The following CACNB1 variants were observed in gnomAD, a reference collection of about 807,000 sequenced individuals.
CACNB1 encodes voltage-dependent L-type calcium channel subunit beta-1.
CACNB1 carries 29 observed loss-of-function variants against 71.6 expected under a neutral mutation model. That is an observed-to-expected ratio of 0.40 (90% CI 0.30 to 0.55). The LOEUF is 0.55. Among genes scored for constraint, CACNB1 ranks in the 20% least tolerant of loss-of-function variants. The pLI, the probability that CACNB1 is intolerant of heterozygous loss-of-function variation, is 0.38. For synonymous variants in CACNB1, 300 were observed against 319.6 expected, an observed-to-expected ratio of 0.94 and a Z score of 0.65; for missense variants, 623 against 801.8, an observed-to-expected ratio of 0.78 and a Z score of 2.69.
chr17:39,180,670 A>C (rs2144103118), intron 11 of CACNB1, among the ~76,000 whole-genome samples: 1 of 150,852 alleles, frequency 6.6e-6, no homozygotes, highest in East Asian at 2.0e-4. Flanking sequence ...AAAAAAAAAA[A>C]GAGAGAAAGA....
intron 6 of CACNB1, 76 bp from the exon 7 acceptor site, chr17:39,185,226 G>T: frequency 8.7e-7 from 1 of 1,147,514 alleles, no homozygotes; most frequent in Non-Finnish European, 1.3e-6. Context: ...AGAGGGCAAG[G>T]CAGGAGCCAG....
In CACNB1 at chr17:39,175,180, T is replaced by A. The variant is rs746952591; in HGVS notation, c.*13A>T. ...GCTCAGAGCCCTTCCTCCCGCCGTG[T>A]GGCCCCTGCCTCTCAGCGAATGTAG... On this transcript the variant is annotated 3_prime_UTR_variant, in exon 14 of 14. Transcript: ENST00000394303. The surrounding 1 kb of genome is among the most constrained non-coding windows in gnomAD (Gnocchi z 4.7). 7 of 1,593,498 alleles carry A rather than the reference T, an allele frequency of 4.4e-6. No individual in the cohort carries two copies. The highest frequency in any genetic ancestry group is 4.3e-6 in the Non-Finnish European group (5 of 1,166,416).
chr17:39,189,300 T>G (rs1443309378), intron 3 of CACNB1, among the ~76,000 whole-genome samples: 4 of 151,002 alleles, frequency 2.6e-5, no homozygotes, highest in African/African-American at 9.7e-5. Flanking sequence ...GAGGCAGAGG[T>G]TGCAGCAAGC....
chr17:39,186,186 G>C lies in CACNB1; in HGVS notation c.628+310C>G. 8.4e-7 allele frequency: 1 copy of C among 1,194,112 alleles called. No homozygotes were observed. 74.0% of individuals were successfully genotyped at this position (1,194,112 alleles called of 1,614,324 possible). A position where few individuals can be genotyped will look rare whatever the true frequency, so the allele number is the denominator to read the frequency against. On this transcript the variant is annotated intron_variant, in intron 6 of 13. Transcript: ENST00000394303. The surrounding 1 kb of genome is among the most constrained non-coding windows in gnomAD (Gnocchi z 4.1). ...AGATGAACGTGGAGACACAAGTACAGAACGCAGGGATGGGGATGGGGAAAA... is the reference window on the plus strand; with the variant it reads ...AGATGAACGTGGAGACACAAGTACACAACGCAGGGATGGGGATGGGGAAAA...
In CACNB1 at chr17:39,175,931, A is replaced by G. The variant is rs866517359; in HGVS notation, c.1333-274T>C. ...AGGGCAACTATGGCCAACAGCCGTG[A>G]GCCATGAGTCACCGCTTCCTCAGTG... On this transcript the variant is annotated intron_variant, in intron 13 of 13. Coordinates refer to ENST00000394303, the MANE Select transcript of CACNB1 (RefSeq NM_000723.5). This position sits in a 1 kb window ranked among gnomAD's most constrained non-coding sequence, Gnocchi z 4.7. Among the ~76,000 whole-genome samples the G allele has an allele frequency of 7.9e-5, 12 of 152,204 alleles. No individual in the cohort carries two copies. The highest frequency in any genetic ancestry group is 2.9e-4 in the African/African-American group (12 of 41,444).
In CACNB1 at chr17:39,197,488, T is replaced by C. The variant is rs1216042431; in HGVS notation, c.8A>G (p.Gln3Arg). Reference protein sequence around the residue: MVQKTSMSRGPYP... With the variant: MVRKTSMSRGPYP... ...AGGGCCCCGGGACATGCTGGTCTTC[T>C]GGACCATGGAGAGGAGCCTCCCCTC... Residue 3 changes from glutamine (Q) to arginine (R), a missense_variant, in exon 1 of 14, where the codon CAG becomes CGG. Physicochemically the swap from Gln to Arg is conservative, Grantham distance 43 (BLOSUM62 1). Transcript: ENST00000394303. The C allele has an allele frequency of 2.0e-6, 3 of 1,496,466 alleles. No individual in the cohort carries two copies. 92.7% of individuals were successfully genotyped at this position (1,496,466 alleles called of 1,614,324 possible).
chr17:39,191,005 C>T (rs1242172469), intron 3 of CACNB1, among the ~76,000 whole-genome samples: 1 of 151,700 alleles, frequency 6.6e-6, no homozygotes, highest in Admixed American at 6.6e-5. Flanking sequence ...GAGATCGAGA[C>T]CATCCTGGCT....
chr17:39,180,290 A>G (rs1280008331), intron 11 of CACNB1, among the ~76,000 whole-genome samples: 1 of 151,558 alleles, frequency 6.6e-6, no homozygotes, highest in African/African-American at 2.4e-5. Context: ...AATATGGACT[A>G]TATTTTAGAA....
At chr17:39,179,946 T>C (rs1319398575) in intron 11 of CACNB1, among the ~76,000 whole-genome samples, 1 of 150,664 alleles carries the variant, frequency 6.6e-6, no homozygotes, top group African/African-American at 2.4e-5. Context: ...GGTTGGTTCC[T>C]GGATTGGGGG....
intron 1 of CACNB1, 65 bp from the exon 2 acceptor site, chr17:39,195,035 C>A: frequency 1.8e-6 from 2 of 1,124,568 alleles, no homozygotes; most frequent in African/African-American, 1.5e-5. Context: ...CTCATCTTGC[C>A]AGCCCCAGAG....
chr17:39,195,308 G>C (rs1215649127), intron 1 of CACNB1: 4 of 226,820 alleles, frequency 1.8e-5, no homozygotes, highest in Non-Finnish European at 3.5e-5. Context: ...AAGATGCTGG[G>C]CAGGCTGCAG....
At chr17:39,182,285 C>G (rs1316082381) in intron 11 of CACNB1, among the ~76,000 whole-genome samples, 1 of 151,650 alleles carries the variant, frequency 6.6e-6, no homozygotes, top group Non-Finnish European at 1.5e-5. Context: ...TGAGATCGCA[C>G]CACTGCACTC....
chr17:39,177,208 G>A (rs368348119), intron 13 of CACNB1, 142 bp downstream of exon 13: 35 of 1,525,512 alleles, frequency 2.3e-5, no homozygotes, highest in East Asian at 1.6e-4. Flanking sequence ...CTCCAGTTCC[G>A]ACCCCAGAGC....
In CACNB1 at chr17:39,174,032, AG is replaced by A; in HGVS notation, c.*1160del. 1 of 152,754 alleles carries A rather than the reference AG, an allele frequency of 6.5e-6. No individual in the cohort carries two copies. Among genetic ancestry groups the A allele is most frequent in the Non-Finnish European group, 1.5e-5 (1 of 68,108 alleles). The allele number at this position is 152,754 out of a possible 1,614,324, so 9.5% of individuals were successfully genotyped here. ...TGAGGTGCCCATCCCTGAGGCGGGC[AG>A]CCGGGCAGGCCCCAGTCCTTGTTGG... On this transcript the variant is annotated 3_prime_UTR_variant, in exon 14 of 14. Transcript: ENST00000394303.
chr17:39,180,262 CA>C (rs113605525), intron 11 of CACNB1, among the ~76,000 whole-genome samples: 7,107 of 116,548 alleles, frequency 0.061, 509 homozygotes, highest in African/African-American at 0.2. Flanking sequence ...GACCCTAGCT[CA>C]AAAAAAAAAA....
chr17:39,184,214 C>T (rs1210618682), intron 9 of CACNB1, 74 bp from the exon 10 acceptor site: 3 of 1,307,488 alleles, frequency 2.3e-6, no homozygotes, highest in Non-Finnish European at 3.3e-6. Context: ...CAGTTCCAGG[C>T]CCGCCTTCTG....
In CACNB1 at chr17:39,175,697, CA is replaced by C; in HGVS notation, c.1333-41del. Reference sequence around the variant, plus strand: ...GACAGCACACACCATGCAGATCAGGCAGGGGTGAGAAAAACACAACAAAGCA... The same window carrying C: ...GACAGCACACACCATGCAGATCAGGCGGGGTGAGAAAAACACAACAAAGCA... On this transcript the variant is annotated intron_variant, in intron 13 of 13. Coordinates refer to ENST00000394303, the MANE Select transcript of CACNB1 (RefSeq NM_000723.5). The surrounding 1 kb of genome is among the most constrained non-coding windows in gnomAD (Gnocchi z 4.7). The C allele has an allele frequency of 6.9e-7, 1 of 1,447,674 alleles. No individual in the cohort carries two copies. The highest frequency in any genetic ancestry group is 1.3e-5 in the South Asian group (1 of 74,382). The allele number at this position is 1,447,674 out of a possible 1,614,324, so 89.7% of individuals were successfully genotyped here.
intron 6 of CACNB1, among the ~76,000 whole-genome samples, chr17:39,185,563 C>CCCG (rs2045915221): frequency 6.6e-6 from 1 of 152,024 alleles, no homozygotes; most frequent in Non-Finnish European, 1.5e-5. Flanking sequence ...GCAGCCCCCC[C>CCCG]CCACTATGTG....
intron 6 of CACNB1, among the ~76,000 whole-genome samples, chr17:39,185,558 C>A (rs1027425145): frequency 2.6e-5 from 4 of 151,602 alleles, no homozygotes; most frequent in Non-Finnish European, 4.4e-5. Flanking sequence ...AGCCAGCAGC[C>A]CCCCCCCACT....
Sources: allele counts gnomAD v4.1 joint callset (sites outside exome capture counted in the v4.1 genomes callset), GRCh38; gene constraint gnomAD v4.1.1; non-coding constraint Gnocchi (gnomAD v3.1); transcripts MANE v1.5; gene names NCBI Gene and HGNC (gene_info 2026-07-23, HGNC 2026-07-21).